The following DLG2 variants were observed in gnomAD, a reference collection of about 807,000 sequenced individuals.
DLG2 encodes the protein disks large homolog 2.
Under a neutral mutation model 132.5 loss-of-function variants are expected in DLG2, and 45 were observed. The ratio of observed to expected loss-of-function variants is 0.34; its 90% CI spans 0.27 to 0.44. The LOEUF is 0.44. Ranked by LOEUF, DLG2 falls within the 20% of genes least tolerant of loss-of-function variation. DLG2 has a pLI of 1.00. For synonymous variants in DLG2, 424 were observed against 419.6 expected (o/e 1.01, Z -0.13); for missense variants, 1,045 against 1,196.9 (o/e 0.87, Z 1.87).
chr11:85,428,744 G>T (rs546880065), intron 3 of DLG2, among the ~76,000 whole-genome samples: 1 of 152,168 alleles, frequency 6.6e-6, no homozygotes, highest in Admixed American at 6.5e-5. Context: ...AAACACATTT[G>T]AAAGCTAGCA....
chr11:84,803,830 T>C (rs2075698478), intron 6 of DLG2, among the ~76,000 whole-genome samples: 1 of 152,208 alleles, frequency 6.6e-6, no homozygotes, highest in Non-Finnish European at 1.5e-5. Flanking sequence ...CATGTTTCTC[T>C]ATCTGAAATG....
chr11:83,835,278 C>T (rs2055818234), intron 16 of DLG2, among the ~76,000 whole-genome samples: 1 of 151,940 alleles, frequency 6.6e-6, no homozygotes, highest in Non-Finnish European at 1.5e-5. Context: ...AGGTAGACCA[C>T]TAATAAACAA....
chr11:84,446,173 C>A (rs1301695487), intron 7 of DLG2, among the ~76,000 whole-genome samples: 2 of 151,910 alleles, frequency 1.3e-5, no homozygotes, highest in African/African-American at 4.8e-5. Flanking sequence ...TTTTTACCTA[C>A]CTACAGAGTA....
intron 3 of DLG2, among the ~76,000 whole-genome samples, chr11:85,418,265 C>G (rs2090025772): frequency 6.6e-6 from 1 of 152,180 alleles, no homozygotes; most frequent in South Asian, 2.1e-4. Context: ...GAGAGAGTTT[C>G]TTAATTCTGA....
intron 7 of DLG2, among the ~76,000 whole-genome samples, chr11:84,461,705 A>C (rs549875317): frequency 9.3e-5 from 14 of 151,118 alleles, no homozygotes; most frequent in African/African-American, 3.4e-4. Context: ...ACAAAATTAA[A>C]AGTTAACTGG....
chr11:85,067,397 T>A (rs1450698259), intron 6 of DLG2, among the ~76,000 whole-genome samples: 1 of 151,944 alleles, frequency 6.6e-6, no homozygotes. Flanking sequence ...CTTTTGAATG[T>A]GTTTGCACTT....
chr11:83,548,061 G>A (rs1370965274), intron 19 of DLG2, among the ~76,000 whole-genome samples: 2 of 152,154 alleles, frequency 1.3e-5, no homozygotes, highest in East Asian at 1.9e-4. Context: ...AAATGGAAAT[G>A]AGAAGCATGT....
intron 6 of DLG2, among the ~76,000 whole-genome samples, chr11:84,772,257 T>G (rs1196165802): frequency 6.6e-6 from 1 of 152,064 alleles, no homozygotes; most frequent in African/African-American, 2.4e-5. Context: ...CTATCCTAAA[T>G]ATATATGCAC....
chr11:85,626,647 A>C lies in DLG2; in HGVS notation c.-153T>G, dbSNP rs2082045900. 6.6e-6 allele frequency: 1 copy of C among 152,184 alleles called. No homozygotes were observed. Among genetic ancestry groups the C allele is most frequent in the African/African-American group, 2.4e-5 (1 of 41,446 alleles). 9.4% of individuals were successfully genotyped at this position (152,184 alleles called of 1,614,324 possible). On this transcript the variant is annotated 5_prime_UTR_variant, in exon 2 of 28. In the 5' UTR this introduces an upstream ATG that the reference lacks. Transcript: ENST00000376104. ...GGGTCTTTCCACTGCCACAGGAGTC[A>C]ATATCTCTTTTCAGGTCTCAGTTTG...
intron 2 of DLG2, among the ~76,000 whole-genome samples, chr11:85,616,554 C>T (rs1487606449): frequency 6.6e-6 from 1 of 152,094 alleles, no homozygotes; most frequent in Non-Finnish European, 1.5e-5. Flanking sequence ...AGGACAAAAC[C>T]CAGAAGGAAT....
intron 7 of DLG2, among the ~76,000 whole-genome samples, chr11:84,386,741 T>C (rs1448126628): frequency 6.6e-6 from 1 of 152,106 alleles, no homozygotes; most frequent in African/African-American, 2.4e-5. Context: ...GAGAGAATGT[T>C]TCTCACATCG....
chr11:85,005,733 G>A (rs1229119117), intron 6 of DLG2, among the ~76,000 whole-genome samples: 1 of 152,104 alleles, frequency 6.6e-6, no homozygotes, highest in Non-Finnish European at 1.5e-5. Flanking sequence ...TCTCTTGCCT[G>A]ATTGCCCTGG....
intron 3 of DLG2, among the ~76,000 whole-genome samples, chr11:85,492,791 C>T (rs182930288): frequency 8.0e-5 from 12 of 150,934 alleles, no homozygotes; most frequent in Admixed American, 7.9e-4. Flanking sequence ...AAACAATGAA[C>T]TTCTTCTAGC....
At chr11:85,359,078 G>T (rs907981925) in intron 3 of DLG2, among the ~76,000 whole-genome samples, 2 of 152,124 alleles carry the variant, frequency 1.3e-5, no homozygotes, top group African/African-American at 4.8e-5. Flanking sequence ...ATAAAGCCTT[G>T]ATCTTCCCTA....
intron 6 of DLG2, among the ~76,000 whole-genome samples, chr11:84,712,175 A>C (rs1400499360): frequency 3.9e-5 from 6 of 152,100 alleles, no homozygotes; most frequent in African/African-American, 1.4e-4. Context: ...AGGCTTCTTA[A>C]AGTCTGAGCT....
chr11:84,838,322 C>T (rs1459490602), intron 6 of DLG2, among the ~76,000 whole-genome samples: 2 of 151,688 alleles, frequency 1.3e-5, no homozygotes, highest in African/African-American at 4.8e-5. Context: ...TGTTTCTTCA[C>T]CAACAATTGA....
intron 4 of DLG2, among the ~76,000 whole-genome samples, chr11:85,257,677 A>G (rs934553256): frequency 6.6e-6 from 1 of 152,202 alleles, no homozygotes; most frequent in African/African-American, 2.4e-5. Flanking sequence ...ATTCACCTAA[A>G]TCTATTTGTA....
chr11:84,828,111 C>G (rs1305585384), intron 6 of DLG2, among the ~76,000 whole-genome samples: 3 of 151,622 alleles, frequency 2.0e-5, no homozygotes, highest in African/African-American at 7.3e-5. Flanking sequence ...AATAGCCATG[C>G]CAAGATGGAA....
chr11:84,569,768 T>C (rs2154527535), intron 6 of DLG2, among the ~76,000 whole-genome samples: 1 of 152,302 alleles, frequency 6.6e-6, no homozygotes, highest in Admixed American at 6.5e-5. Flanking sequence ...TGTCCTACCA[T>C]ACTCACTTAA....
Sources: allele counts gnomAD v4.1 joint callset (sites outside exome capture counted in the v4.1 genomes callset), GRCh38; gene constraint gnomAD v4.1.1; transcripts MANE v1.5; gene names NCBI Gene and HGNC (gene_info 2026-07-23, HGNC 2026-07-21).